Variants in PSORS1C1 observed in about 807,000 individuals in gnomAD.
The protein encoded by PSORS1C1 is psoriasis susceptibility 1 candidate gene 1 protein.
A neutral mutation model predicts 9.4 loss-of-function variants in PSORS1C1; 7 were observed. The observed-to-expected ratio is 0.75, with a 90% CI of 0.42 to 1.40. The LOEUF (loss-of-function observed/expected upper bound fraction) is 1.40. PSORS1C1 is among the 40% of genes most tolerant of loss of function. PSORS1C1 has a pLI of 0.01. For missense variants in PSORS1C1, 146 were observed against 178.1 expected, an observed-to-expected ratio of 0.82 and a Z score of 1.02; for synonymous variants, 63 against 69.4, an observed-to-expected ratio of 0.91 and a Z score of 0.46.
rs750279345 is a variant in PSORS1C1 at position 31,116,034 on chromosome 6, GT to G, written c.-229+1145del. The G allele has an allele frequency of 3.1e-6, 5 of 1,611,400 alleles. No individual in the cohort carries two copies. In the Admixed American group the frequency reaches 8.3e-5, roughly 27 times the overall value. On this transcript the variant is annotated intron_variant, in intron 1 of 5. Coordinates refer to ENST00000259881, the MANE Select transcript of PSORS1C1 (RefSeq NM_014068.3). ...CACAACAGTTGACTTCTTATGGACT[GT>G]TGAGTAACTCTCCTTGGGGTAGGAA...
chr6:31,138,357 A>ACCCCC, intron 3 of PSORS1C1, 73 bp from the exon 4 acceptor site: 1 of 1,525,890 alleles, frequency 6.6e-7, no homozygotes, highest in Non-Finnish European at 9.1e-7. Context: ...TTCTCTCCCC[A>ACCCCC]GCCCCACCCA....
chr6:31,133,369 GACATAGGGAACA>G (rs371670674), intron 3 of PSORS1C1, among the ~76,000 whole-genome samples: 16,812 of 121,162 alleles, frequency 0.14, 1,201 homozygotes, highest in African/African-American at 0.28. Flanking sequence ...GGCCATTCCA[GACATAGGGAACA>G]GCACACACGA....
chr6:31,127,454 A>T (rs1772727701), intron 2 of PSORS1C1, among the ~76,000 whole-genome samples: 1 of 151,924 alleles, frequency 6.6e-6, no homozygotes, highest in South Asian at 2.1e-4. Context: ...GAACATCTTC[A>T]CCAGAGACCG....
intron 3 of PSORS1C1, among the ~76,000 whole-genome samples, chr6:31,133,181 C>G (rs1022987256): frequency 6.6e-6 from 1 of 151,876 alleles, no homozygotes; most frequent in African/African-American, 2.4e-5. Context: ...AGAAGAAATG[C>G]GTAGAACACA....
Position 31,115,693 on chromosome 6 carries a change from T to G in PSORS1C1, c.-229+802T>G. The G allele has an allele frequency of 1.4e-5, 5 of 364,504 alleles. No homozygotes were observed. The highest frequency in any genetic ancestry group is 2.0e-5 in the Non-Finnish European group (4 of 201,708). 22.6% of individuals were successfully genotyped at this position (364,504 alleles called of 1,614,324 possible). ...AGGGGTTTCCCAGTTGAGAAGCTGA[T>G]GGGGGTGTTACTCAATGGACCATTT... On this transcript the variant is annotated intron_variant, in intron 1 of 5. Coordinates refer to ENST00000259881, the MANE Select transcript of PSORS1C1 (RefSeq NM_014068.3). This position sits in a 1 kb window ranked among gnomAD's most constrained non-coding sequence, Gnocchi z 4.2.
At position 31,136,392 on chromosome 6, in the gene PSORS1C1, A is replaced by G. The variant is rs553709633; in HGVS notation, c.14-2038A>G. 5.8e-5 allele frequency among the ~76,000 whole-genome samples: 8 copies of G among 138,256 alleles called. No homozygotes were observed. The East Asian group carries it at 1.6e-3, about 28-fold the overall frequency. 90.7% of individuals were successfully genotyped at this position (138,256 alleles called of 152,430 possible). A position where few individuals can be genotyped will look rare whatever the true frequency, so the allele number is the denominator to read the frequency against. ...GGCGACAGAGAGATAATACGTCTCAAAAAAAAAAAAAAAGAAAAGAAAGAA... is the reference window on the plus strand; with the variant it reads ...GGCGACAGAGAGATAATACGTCTCAGAAAAAAAAAAAAAGAAAAGAAAGAA... On this transcript the variant is annotated intron_variant, in intron 3 of 5. Coordinates refer to ENST00000259881, the MANE Select transcript of PSORS1C1 (RefSeq NM_014068.3).
At position 31,126,187 on chromosome 6, in the gene PSORS1C1, C is replaced by T. The variant is rs1581852471; in HGVS notation, c.-65+348C>T. Among the ~76,000 whole-genome samples the T allele has an allele frequency of 3.9e-5, 6 of 152,350 alleles. No homozygotes were observed. In the South Asian group the frequency reaches 1.2e-3, roughly 32 times the overall value. On this transcript the variant is annotated intron_variant, in intron 2 of 5. Transcript: ENST00000259881. ...CATTCCTCACGGGTGACTGTCTCCC[C>T]TGAGCCACTCTTCTCTCTATTGGAT...
Position 31,139,278 on chromosome 6 carries a change from C to T in PSORS1C1, c.168-363C>T, listed in dbSNP as rs2233947. On this transcript the variant is annotated intron_variant, in intron 5 of 5. Coordinates refer to ENST00000259881, the MANE Select transcript of PSORS1C1 (RefSeq NM_014068.3). The surrounding 1 kb of genome is among the most constrained non-coding windows in gnomAD (Gnocchi z 5.2). ...CTATCATGACCCAGAGCCTGCGTCA[C>T]CCCACCCTGGTTTTCACACCCTCCA... 5,302 of 577,866 alleles carry T rather than the reference C, an allele frequency of 9.2e-3. 136 individuals carry two copies. Among genetic ancestry groups the T allele is most frequent in the South Asian group, 0.042 (1,842 of 44,166 alleles). The allele number at this position is 577,866 out of a possible 1,614,324, so 35.8% of individuals were successfully genotyped here.
intron 3 of PSORS1C1, among the ~76,000 whole-genome samples, chr6:31,131,834 A>G (rs1036859386): frequency 2.6e-5 from 4 of 152,254 alleles, no homozygotes; most frequent in Admixed American, 1.3e-4. Flanking sequence ...ACAGTGCCCT[A>G]TGGCACATGC....
chr6:31,116,783 G>A (rs865853460), intron 1 of PSORS1C1: 1 of 1,613,590 alleles, frequency 6.2e-7, no homozygotes, highest in East Asian at 2.2e-5. Flanking sequence ...TTGCCTGGAA[G>A]GCCACCATTG....
At chr6:31,127,739 G>A (rs569749233) in intron 2 of PSORS1C1, among the ~76,000 whole-genome samples, 4 of 151,972 alleles carry the variant, frequency 2.6e-5, no homozygotes, top group African/African-American at 4.8e-5. Context: ...ACTTGAACCC[G>A]GGAGGTAGAG....
rs904044883 is a variant in PSORS1C1, at chr6:31,139,477, G to A, written c.168-164G>A. 4.7e-6 allele frequency: 3 copies of A among 639,902 alleles called. No individual in the cohort carries two copies. In the African/African-American group the frequency reaches 5.5e-5, roughly 12 times the overall value. The allele number at this position is 639,902 out of a possible 1,614,324, so 39.6% of individuals were successfully genotyped here. On this transcript the variant is annotated intron_variant, in intron 5 of 5. Coordinates refer to ENST00000259881, the MANE Select transcript of PSORS1C1 (RefSeq NM_014068.3). The surrounding 1 kb of genome is among the most constrained non-coding windows in gnomAD (Gnocchi z 5.2). ...CAGGATGCCTGCGCTGAGGGAGGAG[G>A]TGCTTTTCAAACCTGGGATGCAGCT...
At chr6:31,129,465 G>A in intron 2 of PSORS1C1, 104 bp from the exon 3 acceptor site, 1 of 659,486 alleles carries the variant, frequency 1.5e-6, no homozygotes, top group Non-Finnish European at 2.8e-6. Context: ...AATGAAGACA[G>A]CCTGTTTGAG....
intron 2 of PSORS1C1, among the ~76,000 whole-genome samples, chr6:31,126,615 C>T (rs1187165921): frequency 6.6e-6 from 1 of 152,208 alleles, no homozygotes; most frequent in Non-Finnish European, 1.5e-5. Context: ...CCATGCCTGT[C>T]CTCACCCTCC....
rs1773327831 is a variant in PSORS1C1 at position 31,139,298 on chromosome 6, C to T, written c.168-343C>T. On this transcript the variant is annotated intron_variant, in intron 5 of 5. Transcript: ENST00000259881. The surrounding 1 kb of genome is among the most constrained non-coding windows in gnomAD (Gnocchi z 5.2). ...CGTCACCCCACCCTGGTTTTCACAC[C>T]CTCCATCCACATCCTGGAGCAGTCA... The T allele has an allele frequency of 6.9e-6, 4 of 579,918 alleles. No homozygotes were observed. Among genetic ancestry groups the T allele is most frequent in the Non-Finnish European group, 1.2e-5 (4 of 326,142 alleles). 35.9% of individuals were successfully genotyped at this position (579,918 alleles called of 1,614,324 possible). A position where few individuals can be genotyped will look rare whatever the true frequency, so the allele number is the denominator to read the frequency against.
chr6:31,114,968 G>A (rs1054862446), intron 1 of PSORS1C1, 77 bp downstream of exon 1: 15 of 446,732 alleles, frequency 3.4e-5, no homozygotes, highest in Non-Finnish European at 5.9e-5. Flanking sequence ...AAACACTGAG[G>A]GCCCTAAATA....
chr6:31,130,690 T>C (rs1562767806), intron 3 of PSORS1C1, among the ~76,000 whole-genome samples: 1 of 152,076 alleles, frequency 6.6e-6, no homozygotes, highest in Non-Finnish European at 1.5e-5. Flanking sequence ...CGTGAGCCAC[T>C]GCGCCTGGCA....
chr6:31,116,902 G>A, intron 1 of PSORS1C1: 4 of 1,614,052 alleles, frequency 2.5e-6, no homozygotes, highest in Non-Finnish European at 3.4e-6. Flanking sequence ...GGGGATGTAG[G>A]GGCCGGAGTG....
rs764699543 is a variant in PSORS1C1 at position 31,139,874 on chromosome 6, C to T, written c.401C>T (p.Thr134Ile). The T allele has an allele frequency of 2.9e-5, 46 of 1,613,120 alleles. No individual in the cohort carries two copies. Among genetic ancestry groups the T allele is most frequent in the Non-Finnish European group, 3.7e-5 (44 of 1,180,020 alleles). ...HLSASRTLAP[T>I]LLYSSPPSHS... The stretch of plus-strand genomic sequence containing the variant: ...TCCGCCTCTAGGACCTTGGCTCCAA[C>T]TCTATTGTACTCGTCTCCTCCCTCC... Residue 134 changes from threonine (T) to isoleucine (I), a missense_variant, in exon 6 of 6, where the codon ACT (threonine) becomes ATT (isoleucine). Physicochemically the swap from Thr to Ile is moderately conservative, Grantham distance 89 (BLOSUM62 -1). Coordinates refer to ENST00000259881, the MANE Select transcript of PSORS1C1 (RefSeq NM_014068.3). This position sits in a 1 kb window ranked among gnomAD's most constrained non-coding sequence, Gnocchi z 5.2.
Sources: allele counts gnomAD v4.1 joint callset (sites outside exome capture counted in the v4.1 genomes callset), GRCh38; gene constraint gnomAD v4.1.1; non-coding constraint Gnocchi (gnomAD v3.1); transcripts MANE v1.5; gene names NCBI Gene and HGNC (gene_info 2026-07-23, HGNC 2026-07-21).